Variants in TRDN observed in about 807,000 individuals in gnomAD.
TRDN encodes the protein triadin in skeletal muscle.
TRDN carries 161 observed loss-of-function variants against 149.7 expected under a neutral mutation model. The ratio of observed to expected loss-of-function variants is 1.08; its 90% CI spans 0.95 to 1.23. The LOEUF (loss-of-function observed/expected upper bound fraction) is 1.23. TRDN is among the 50% of genes most tolerant of loss of function. The pLI, the probability that TRDN is intolerant of heterozygous loss-of-function variation, is 0.00. For missense variants in TRDN, 896 were observed against 823.5 expected, an observed-to-expected ratio of 1.09 and a Z score of -1.08; for synonymous variants, 294 against 250.5, an observed-to-expected ratio of 1.17 and a Z score of -1.64.
chr6:123,267,639 C>G, intron 32 of TRDN, 68 bp downstream of exon 32: 1 of 1,155,988 alleles, frequency 8.7e-7, no homozygotes, highest in Non-Finnish European at 1.2e-6. Context: ...GTATGCATTA[C>G]TTTAATTTTT....
At chr6:123,465,565 G>T (rs1776738727) in intron 9 of TRDN, among the ~76,000 whole-genome samples, 1 of 129,450 alleles carries the variant, frequency 7.7e-6, no homozygotes, top group African/African-American at 2.9e-5. Context: ...GTCTCTGTCT[G>T]AGCTTATTAT....
intron 1 of TRDN, among the ~76,000 whole-genome samples, chr6:123,605,710 G>C (rs2114663654): frequency 6.6e-6 from 1 of 152,164 alleles, no homozygotes; most frequent in East Asian, 1.9e-4. Context: ...GTTACAGTGA[G>C]CCGAGATTGT....
chr6:123,292,219 G>T (rs1184022827), intron 24 of TRDN, among the ~76,000 whole-genome samples: 1 of 152,136 alleles, frequency 6.6e-6, no homozygotes, highest in Non-Finnish European at 1.5e-5. Flanking sequence ...TGTGCTGCCT[G>T]CCCTGGGTCC....
At chr6:123,581,798 C>A (rs1466467638) in intron 1 of TRDN, among the ~76,000 whole-genome samples, 1 of 152,104 alleles carries the variant, frequency 6.6e-6, no homozygotes, top group African/African-American at 2.4e-5. Context: ...AGCATATATT[C>A]AGTAAATAAT....
intron 2 of TRDN, among the ~76,000 whole-genome samples, chr6:123,559,097 G>A (rs1005232403): frequency 2.0e-5 from 3 of 152,210 alleles, no homozygotes; most frequent in East Asian, 1.9e-4. Context: ...TTGGCTTAGC[G>A]GCTGAAGACT....
At chr6:123,440,072 G>A (rs1774789200) in intron 10 of TRDN, among the ~76,000 whole-genome samples, 2 of 152,122 alleles carry the variant, frequency 1.3e-5, no homozygotes, top group Admixed American at 6.6e-5. Context: ...GAATCCTTAA[G>A]TTGTCTACTA....
chr6:123,594,242 A>G (rs1783923627), intron 1 of TRDN, among the ~76,000 whole-genome samples: 1 of 152,178 alleles, frequency 6.6e-6, no homozygotes, highest in Non-Finnish European at 1.5e-5. Context: ...AAATTGAAAT[A>G]TTAGATTCTT....
At chr6:123,529,050 G>C in intron 5 of TRDN, 3 of 1,416,376 alleles carry the variant, frequency 2.1e-6, no homozygotes, top group South Asian at 3.1e-5. Context: ...CCACTGCTCG[G>C]TCTTTGACAT....
intron 24 of TRDN, among the ~76,000 whole-genome samples, chr6:123,314,584 G>A (rs2114695698): frequency 6.6e-6 from 1 of 152,072 alleles, no homozygotes; most frequent in Admixed American, 6.6e-5. Context: ...CAAAGACAAA[G>A]AATCAAGCCA....
Position 123,349,860 on chromosome 6 carries a change from T to C in TRDN, c.1369+2679A>G, listed in dbSNP as rs75318569. ...AAGGTGGATGAGGACAGTGATAGAT[T>C]TACAAAGCTTGCAATAGCACTTGGG... On this transcript the variant is annotated intron_variant, in intron 21 of 40. Transcript: ENST00000334268. 1,031 of 985,342 alleles carry C rather than the reference T, an allele frequency of 1.0e-3. 31 individuals are homozygous for C. In the East Asian group the frequency reaches 0.077, roughly 74 times the overall value. The allele number at this position is 985,342 out of a possible 1,614,324, so 61.0% of individuals were successfully genotyped here. A position where few individuals can be genotyped will look rare whatever the true frequency, so the allele number is the denominator to read the frequency against.
intron 24 of TRDN, among the ~76,000 whole-genome samples, chr6:123,310,051 A>G (rs542302620): frequency 6.6e-6 from 1 of 152,178 alleles, no homozygotes; most frequent in Admixed American, 6.6e-5. Flanking sequence ...ATTGTGATGA[A>G]CTGAAGTTTT....
intron 12 of TRDN, chr6:123,429,296 A>C (rs1319344141): frequency 2.6e-5 from 4 of 152,212 alleles, no homozygotes; most frequent in Non-Finnish European, 5.9e-5. Context: ...GTTACCTTAC[A>C]GAGTTGTTAT....
chr6:123,342,739 C>G (rs184553814), intron 21 of TRDN, among the ~76,000 whole-genome samples: 71 of 152,066 alleles, frequency 4.7e-4, no homozygotes, highest in African/African-American at 1.3e-3. Context: ...CACTATACCT[C>G]TGGGAGCATC....
At chr6:123,271,261 T>C (rs1035668411) in intron 29 of TRDN, 75 bp from the exon 30 acceptor site, 35 of 1,105,208 alleles carry the variant, frequency 3.2e-5, no homozygotes, top group East Asian at 2.7e-5. Context: ...ATGATTTTTG[T>C]ATTCTTTTGA....
At chr6:123,350,139 T>C in intron 21 of TRDN, 1 of 973,210 alleles carries the variant, frequency 1.0e-6, no homozygotes, top group Non-Finnish European at 1.2e-6. Flanking sequence ...AAATTTATTC[T>C]TGATGGTTAG....
At chr6:123,291,221 C>A (rs1777999780) in intron 24 of TRDN, among the ~76,000 whole-genome samples, 1 of 151,770 alleles carries the variant, frequency 6.6e-6, no homozygotes, top group Non-Finnish European at 1.5e-5. Context: ...GAAGAGGGAT[C>A]TTGTATAGTC....
In TRDN at chr6:123,313,448, T is replaced by C. The variant is rs1778906143; in HGVS notation, c.1510+3009A>G. 3.3e-5 allele frequency among the ~76,000 whole-genome samples: 5 copies of C among 152,090 alleles called. No homozygotes were observed. The South Asian group carries it at 1.0e-3, about 32-fold the overall frequency. ...ATTTACCTTCAATCTTTGAGGTTGC[T>C]GCCCTTTGAATGGAGATTTTTGTTT... On this transcript the variant is annotated intron_variant, in intron 24 of 40. Transcript: ENST00000334268.
intron 1 of TRDN, among the ~76,000 whole-genome samples, chr6:123,578,233 C>T (rs888332270): frequency 1.3e-5 from 2 of 152,002 alleles, no homozygotes; most frequent in Non-Finnish European, 2.9e-5. Context: ...ATGATATTGC[C>T]TAGGTTGTTT....
intron 21 of TRDN, among the ~76,000 whole-genome samples, chr6:123,341,160 T>G (rs1333595595): frequency 6.6e-6 from 1 of 151,906 alleles, no homozygotes; most frequent in East Asian, 1.9e-4. Flanking sequence ...TTTACAATTA[T>G]CATGAAGGAA....
Sources: allele counts gnomAD v4.1 joint callset (sites outside exome capture counted in the v4.1 genomes callset), GRCh38; gene constraint gnomAD v4.1.1; transcripts MANE v1.5; gene names NCBI Gene and HGNC (gene_info 2026-07-23, HGNC 2026-07-21).